TLN2: variants seen among roughly 807,000 people sequenced by gnomAD.
TLN2 encodes talin 2.
TLN2 carries 118 observed loss-of-function variants against 294.7 expected under a neutral mutation model. The ratio of observed to expected loss-of-function variants is 0.40; its 90% CI spans 0.34 to 0.47. The LOEUF (loss-of-function observed/expected upper bound fraction) is 0.47, where lower values mean the gene tolerates loss of function less well. Among genes scored for constraint, TLN2 ranks in the 20% least tolerant of loss-of-function variants. The pLI, the probability that TLN2 is intolerant of heterozygous loss-of-function variation, is 0.84. For synonymous variants in TLN2, 1,431 were observed against 1,304.5 expected, an observed-to-expected ratio of 1.10 and a Z score of -2.09; for missense variants, 3,083 against 3,282.2, an observed-to-expected ratio of 0.94 and a Z score of 1.48.
At chr15:62,731,811 G>T (rs891810352) in intron 28 of TLN2, among the ~76,000 whole-genome samples, 6 of 152,176 alleles carry the variant, frequency 3.9e-5, no homozygotes, top group Non-Finnish European at 8.8e-5. Context: ...TTTTATATAT[G>T]TTTTCCAGAG....
In TLN2 at chr15:62,574,579, C is replaced by CAAAAAAAAAAAAA. The variant is rs56279063; in HGVS notation, c.-237-15080_-237-15068dup. Among the ~76,000 whole-genome samples, 33 of 46,486 alleles carry CAAAAAAAAAAAAA rather than the reference C, an allele frequency of 7.1e-4. 6 individuals are homozygous for CAAAAAAAAAAAAA. The highest frequency in any genetic ancestry group is 1.0e-3 in the Non-Finnish European group (27 of 26,332). The allele number at this position is 46,486 out of a possible 152,430, so 30.5% of individuals were successfully genotyped here. A position where few individuals can be genotyped will look rare whatever the true frequency, so the allele number is the denominator to read the frequency against. Reference sequence around the variant, plus strand: ...TGGGCAACAGGATGAGACCCTGTCTCAAAAAAAAAAAAAAAAAAAAAAAAA... The same window carrying CAAAAAAAAAAAAA: ...TGGGCAACAGGATGAGACCCTGTCTCAAAAAAAAAAAAAAAAAAAAAAAAAAAAAAAAAAAAAA... On this transcript the variant is annotated intron_variant, in intron 1 of 58. Transcript: ENST00000636159.
intron 3 of TLN2, chr15:62,645,349 G>C (rs2051705984): frequency 6.6e-6 from 1 of 152,194 alleles, no homozygotes; most frequent in Non-Finnish European, 1.5e-5. Context: ...GATTCCCAGT[G>C]AACACTGCTG....
chr15:62,599,747 A>T (rs1389168698), intron 2 of TLN2, among the ~76,000 whole-genome samples: 5 of 152,054 alleles, frequency 3.3e-5, no homozygotes, highest in Admixed American at 1.3e-4. Context: ...GGTGGTCCGG[A>T]TGCTTGGTTC....
chr15:62,584,950 T>G (rs1456074114), intron 1 of TLN2, among the ~76,000 whole-genome samples: 2 of 152,220 alleles, frequency 1.3e-5, no homozygotes. Flanking sequence ...TTTTTTTAAC[T>G]TAAGAGAGCA....
rs1555433517 is a variant in TLN2, at chr15:62,575,605, A to AC, written c.-237-14082_-237-14081insC. On this transcript the variant is annotated intron_variant, in intron 1 of 58. Coordinates refer to ENST00000636159, the MANE Select transcript of TLN2 (RefSeq NM_015059.3). ...TCAATTTCCATGGAATCACTTAAAA[A>AC]ACACACACACACACACACATACACA... is the stretch of plus-strand genomic sequence containing the variant. 2.8e-3 allele frequency among the ~76,000 whole-genome samples: 415 copies of AC among 150,084 alleles called. 2 individuals carry two copies. Among genetic ancestry groups the AC allele is most frequent in the East Asian group, 3.2e-3 (16 of 5,062 alleles).
chr15:62,562,248 T>C (rs1468120823), intron 1 of TLN2, among the ~76,000 whole-genome samples: 1 of 152,228 alleles, frequency 6.6e-6, no homozygotes, highest in Admixed American at 6.5e-5. Context: ...TTTTGGTTTG[T>C]TTTTACCCAT....
At position 62,838,916 on chromosome 15, in the gene TLN2, G is replaced by T. The variant is rs745512812; in HGVS notation, c.7435G>T (p.Ala2479Ser). 6.2e-7 allele frequency: 1 copy of T among 1,612,996 alleles called. No individual in the cohort carries two copies. The highest frequency in any genetic ancestry group is 1.1e-5 in the South Asian group (1 of 91,072). The part of the protein sequence containing the change: ...DNLVRAAQKA[A>S]FGKADDDDVV... ...TCTTGTCCGTGCAGCCCAGAAGGCA[G>T]CTTTTGGCAAAGCTGATGACGACGA... Residue 2479 changes from alanine to serine, a missense_variant, in exon 58 of 59, where the codon GCT (alanine) becomes TCT (serine). Transcript: ENST00000636159.
rs189966074 is a variant in TLN2 at position 62,839,112 on chromosome 15, C to A, written c.7500+131C>A. ...TGTACCAGAGATGGTGTGGTGTTTCCTTCATGTCTGAGAGCCAGATCCATC... is the reference window on the plus strand; with the variant it reads ...TGTACCAGAGATGGTGTGGTGTTTCATTCATGTCTGAGAGCCAGATCCATC... On this transcript the variant is annotated intron_variant, in intron 58 of 58. Coordinates refer to ENST00000636159, the MANE Select transcript of TLN2 (RefSeq NM_015059.3). 31 of 1,301,708 alleles carry A rather than the reference C, an allele frequency of 2.4e-5. No homozygotes were observed. The African/African-American group carries it at 4.0e-4, about 17-fold the overall frequency. The allele number at this position is 1,301,708 out of a possible 1,614,324, so 80.6% of individuals were successfully genotyped here.
intron 12 of TLN2, chr15:62,687,819 C>T (rs1224952570): frequency 2.0e-5 from 3 of 152,168 alleles, no homozygotes; most frequent in Non-Finnish European, 4.4e-5. Context: ...GAAAACATAC[C>T]TTCTTTCCTC....
rs994500262 is a variant in TLN2, at chr15:62,651,315, A to G, written c.235-690A>G. On this transcript the variant is annotated intron_variant, in intron 5 of 58. Coordinates refer to ENST00000636159, the MANE Select transcript of TLN2 (RefSeq NM_015059.3). ...TTCTTTGGGTTCAATTTCACTATCA[A>G]ATTTTTAAGAAATCTTTATGAAAGC... Among the ~76,000 whole-genome samples the G allele has an allele frequency of 6.6e-5, 10 of 152,168 alleles. 1 individual carries two copies. The highest frequency in any genetic ancestry group is 4.6e-4 in the Admixed American group (7 of 15,266).
At position 62,675,305 on chromosome 15, in the gene TLN2, CCTT is replaced by C; in HGVS notation, c.946_948del (p.Phe316del). ...CGGTCCCTCCGCACATATGGCGTGTCCTTCTTCCTGGTGAAGGTGAGTTGGGCA... is the reference window on the plus strand; with the variant it reads ...CGGTCCCTCCGCACATATGGCGTGTCCTTCCTGGTGAAGGTGAGTTGGGCA... On this transcript the variant is annotated inframe_deletion, in exon 11 of 59. Transcript: ENST00000636159. 1.2e-6 allele frequency: 2 copies of C among 1,614,196 alleles called. No homozygotes were observed. The highest frequency in any genetic ancestry group is 1.7e-6 in the Non-Finnish European group (2 of 1,180,032).
intron 52 of TLN2, among the ~76,000 whole-genome samples, chr15:62,814,542 G>C (rs572926985): frequency 3.9e-4 from 60 of 151,952 alleles, no homozygotes; most frequent in African/African-American, 1.3e-3. Flanking sequence ...TGATGGCTCT[G>C]ACATCCAAGG....
At position 62,450,543 on chromosome 15, in the gene TLN2, ATGTATGTGTGTGTG is replaced by A. The variant is rs1219683676; in HGVS notation, c.-238+59862_-238+59875del. 2.3e-3 allele frequency among the ~76,000 whole-genome samples: 125 copies of A among 55,160 alleles called. 2 individuals carry two copies. The East Asian group carries it at 0.11, about 47-fold the overall frequency. 36.2% of individuals were successfully genotyped at this position (55,160 alleles called of 152,430 possible). On this transcript the variant is annotated intron_variant, in intron 1 of 58. Coordinates refer to ENST00000636159, the MANE Select transcript of TLN2 (RefSeq NM_015059.3). ...TATGTATGTATGTATGTATGTATGT[ATGTATGTGTGTGTG>A]TGTGTGTGTGTGTGTGTCTGTGTGT... is the stretch of plus-strand genomic sequence containing the variant.
chr15:62,620,476 C>T (rs1001578313), intron 3 of TLN2, among the ~76,000 whole-genome samples: 6 of 151,768 alleles, frequency 4.0e-5, no homozygotes, highest in Non-Finnish European at 5.9e-5. Flanking sequence ...TCCCTCCCTC[C>T]CCGCCCCACA....
chr15:62,837,207 C>T (rs1415661682), intron 57 of TLN2, among the ~76,000 whole-genome samples: 1 of 152,154 alleles, frequency 6.6e-6, no homozygotes, highest in African/African-American at 2.4e-5. Context: ...TCTTGAGTCC[C>T]TCTCTGACCC....
At chr15:62,462,917 C>A (rs979974095) in intron 1 of TLN2, among the ~76,000 whole-genome samples, 1 of 152,174 alleles carries the variant, frequency 6.6e-6, no homozygotes, top group African/African-American at 2.4e-5. Flanking sequence ...ACAGCTGCCA[C>A]CCCCATAGGG....
At chr15:62,467,187 T>A (rs1057479290) in intron 1 of TLN2, among the ~76,000 whole-genome samples, 36 of 152,370 alleles carry the variant, frequency 2.4e-4, no homozygotes, top group African/African-American at 7.9e-4. Context: ...TCCTGGGTTC[T>A]GTGCCTTGGC....
chr15:62,728,791 G>C (rs1038758805), intron 28 of TLN2, among the ~76,000 whole-genome samples: 3 of 151,998 alleles, frequency 2.0e-5, no homozygotes, highest in Admixed American at 2.0e-4. Context: ...TGTATTTCTT[G>C]TATATTGTGA....
At chr15:62,744,743 C>T (rs1483567453) in intron 32 of TLN2, among the ~76,000 whole-genome samples, 2 of 152,086 alleles carry the variant, frequency 1.3e-5, no homozygotes, top group Non-Finnish European at 2.9e-5. Context: ...GACGGGGTTT[C>T]ACCATGTTGG....
Sources: gnomAD v4.1 joint callset for allele counts (sites outside exome capture counted in the v4.1 genomes callset) on GRCh38, gnomAD v4.1.1 for gene constraint, MANE v1.5 for transcripts, NCBI Gene and HGNC (gene_info 2026-07-23, HGNC 2026-07-21) for gene names.